FTSJ3: variants seen among roughly 807,000 people sequenced by gnomAD.
FTSJ3 encodes the protein pre-rRNA 2'-O-ribose RNA methyltransferase FTSJ3.
Under a neutral mutation model 111.5 loss-of-function variants are expected in FTSJ3, and 46 were observed. That is an observed-to-expected ratio of 0.41 (90% CI 0.33 to 0.53). The LOEUF is 0.53. Among genes scored for constraint, FTSJ3 ranks in the 20% least tolerant of loss-of-function variants. The pLI is 0.19. For synonymous variants in FTSJ3, 408 were observed against 383.0 expected (o/e 1.07, Z -0.76); for missense variants, 1,075 against 1,063.8 (o/e 1.01, Z -0.15).
chr17:63,822,733 T>A (rs2040062725), intron 13 of FTSJ3, among the ~76,000 whole-genome samples: 1 of 152,070 alleles, frequency 6.6e-6, no homozygotes, highest in Admixed American at 6.6e-5. Context: ...GAGGCTGCAG[T>A]GAGTCATGAT....
In FTSJ3 at chr17:63,820,151, G is replaced by A. The variant is rs760593139; in HGVS notation, c.2279C>T (p.Thr760Ile). Residue 760 changes from threonine to isoleucine, a missense_variant, in exon 20 of 21, where the codon ACC (threonine) becomes ATC (isoleucine). By Grantham distance (89) the Thr-to-Ile change is moderately conservative. Coordinates refer to ENST00000427159, the MANE Select transcript of FTSJ3 (RefSeq NM_017647.4). The stretch of plus-strand genomic sequence containing the variant: ...CACCACGGCTTCTGCCTTCTTCCTG[G>A]TCTGCTCCAGCCTCTTCAGCATCTG... ...KRRMLKRLEQ[T>I]RKKAEAVVNT... is the part of the protein sequence containing the mutation. 1 of 1,613,974 alleles carries A rather than the reference G, an allele frequency of 6.2e-7. No individual in the cohort carries two copies. Among genetic ancestry groups the A allele is most frequent in the Admixed American group, 1.7e-5 (1 of 60,002 alleles).
At chr17:63,824,059 C>G (rs1417759177) in intron 12 of FTSJ3, 25 bp downstream of exon 12, 1 of 1,614,052 alleles carries the variant, frequency 6.2e-7, no homozygotes, top group Non-Finnish European at 8.5e-7. Context: ...TGGGGAACTC[C>G]AAGCTCTACC....
chr17:63,824,040 TC>T (rs771067894), intron 12 of FTSJ3, 43 bp downstream of exon 12: 2 of 1,613,840 alleles, frequency 1.2e-6, no homozygotes, highest in African/African-American at 2.7e-5. Context: ...CTTCACACAG[TC>T]CCTGCGTTGG....
intron 13 of FTSJ3, among the ~76,000 whole-genome samples, chr17:63,822,651 A>G (rs1369086665): frequency 6.6e-6 from 1 of 152,188 alleles, no homozygotes; most frequent in Non-Finnish European, 1.5e-5. Context: ...TAGGCTGGGT[A>G]TGGTGGCTCA....
chr17:63,824,827 C>T lies in FTSJ3; in HGVS notation c.814G>A (p.Glu272Lys), dbSNP rs778668949. 9 of 1,610,948 alleles carry T rather than the reference C, an allele frequency of 5.6e-6. No homozygotes were observed. The highest frequency in any genetic ancestry group is 2.7e-5 in the African/African-American group (2 of 74,886). ...NPVDFLSKAS[E>K]IMVDDEELAQ... is the part of the protein sequence containing the mutation. ...GTCCCTCAAGGCTGGAGACTCACTT[C>T]GCTGGCCTTGGAGAGGAAGTCAACA... is the stretch of plus-strand genomic sequence containing the variant. The change falls in exon 9 of 21, where the codon GAA becomes AAA. Residue 272 changes from glutamate to lysine, a missense_variant and splice_region_variant. By Grantham distance (56) the Glu-to-Lys change is moderately conservative. Transcript: ENST00000427159.
intron 5 of FTSJ3, 38 bp downstream of exon 5, chr17:63,826,018 C>A: frequency 1.3e-6 from 2 of 1,515,586 alleles, no homozygotes; most frequent in East Asian, 2.3e-5. Flanking sequence ...GTAGATGTTT[C>A]CGTATAAAGG....
chr17:63,820,368 G>A lies in FTSJ3; in HGVS notation c.2143C>T (p.Arg715Ter). ...FVQEEKQHRIRQLPVGKKEVE... is the reference protein window; with the variant it reads ...FVQEEKQHRI ...TCCTTCTTACCAACAGGCAACTGTC[G>A]TATCCGGTGCTGCTTTTCCTCTTGC... Residue 715 changes from arginine to a stop codon, truncating the protein, a stop_gained, in exon 19 of 21, where the codon CGA becomes TGA. Transcript: ENST00000427159. LOFTEE classifies it high-confidence loss of function. 3 of 1,614,048 alleles carry A rather than the reference G, an allele frequency of 1.9e-6. No individual in the cohort carries two copies. Among genetic ancestry groups the A allele is most frequent in the South Asian group, 1.1e-5 (1 of 91,072 alleles).
Position 63,825,348 on chromosome 17 carries a change from G to C in FTSJ3, c.489C>G (p.Asp163Glu). The stretch of plus-strand genomic sequence containing the variant: ...GAAAGATCCATAGCAGAGGCTGATA[G>C]TCACGAGAACGGAAAACCTTTGTGA... The part of the protein sequence containing the change: ...SFITKVFRSR[D>E]YQPLLWIFQQ... Residue 163 changes from aspartate to glutamate, a missense_variant, in exon 7 of 21, where the codon GAC (aspartate) becomes GAG (glutamate). Physicochemically the swap from Asp to Glu is conservative, Grantham distance 45 (BLOSUM62 2). Coordinates refer to ENST00000427159, the MANE Select transcript of FTSJ3 (RefSeq NM_017647.4). 1 of 1,614,226 alleles carries C rather than the reference G, an allele frequency of 6.2e-7. No individual in the cohort carries two copies. The highest frequency in any genetic ancestry group is 1.1e-5 in the South Asian group (1 of 91,086).
rs748960799 is a variant in FTSJ3 at position 63,824,241 on chromosome 17, T to C, written c.999-2A>G. Reference sequence around the variant, plus strand: ...TCATCTTCCTCTCCAGAGCTGAGGCTGGCAAAACAGTCCCAAGAGTTGGGT... The same window carrying C: ...TCATCTTCCTCTCCAGAGCTGAGGCCGGCAAAACAGTCCCAAGAGTTGGGT... On this transcript the variant is annotated splice_acceptor_variant, in intron 11 of 20. Coordinates refer to ENST00000427159, the MANE Select transcript of FTSJ3 (RefSeq NM_017647.4). LOFTEE classifies it high-confidence loss of function. 6.2e-7 allele frequency: 1 copy of C among 1,614,210 alleles called. No individual in the cohort carries two copies. Among genetic ancestry groups the C allele is most frequent in the East Asian group, 2.2e-5 (1 of 44,880 alleles).
chr17:63,824,634 T>C lies in FTSJ3; in HGVS notation c.917+3A>G. The C allele has an allele frequency of 6.2e-7, 1 of 1,612,150 alleles. No individual in the cohort carries two copies. ...TGGCCCCCGTGCCTACCCCACTCCA[T>C]ACCTGAGCTCCTTGCGCCCCAACAC... On this transcript the variant is annotated splice_donor_region_variant and intron_variant, in intron 10 of 20. Coordinates refer to ENST00000427159, the MANE Select transcript of FTSJ3 (RefSeq NM_017647.4).
chr17:63,821,120 G>A lies in FTSJ3; in HGVS notation c.1887-5C>T. ...TTACCACGGAGGGGTTCCCAGCTGT[G>A]AAGAGGGGAGGACTCTGAGTGATTC... On this transcript the variant is annotated splice_polypyrimidine_tract_variant and splice_region_variant and intron_variant, in intron 16 of 20. Transcript: ENST00000427159. 1 of 1,613,822 alleles carries A rather than the reference G, an allele frequency of 6.2e-7. No homozygotes were observed. The highest frequency in any genetic ancestry group is 1.3e-5 in the African/African-American group (1 of 75,046).
chr17:63,820,184 A>G lies in FTSJ3; in HGVS notation c.2257-11T>C. 1 of 1,613,790 alleles carries G rather than the reference A, an allele frequency of 6.2e-7. No homozygotes were observed. On this transcript the variant is annotated splice_polypyrimidine_tract_variant and intron_variant, in intron 19 of 20. Transcript: ENST00000427159. ...CAGCCTCTTCAGCATCTGCAAAGGAACCTGTCAGGTGACCTCTTCCCCATC... is the reference window on the plus strand; with the variant it reads ...CAGCCTCTTCAGCATCTGCAAAGGAGCCTGTCAGGTGACCTCTTCCCCATC...
Position 63,827,212 on chromosome 17 carries a change from T to A in FTSJ3, c.-187A>T. ...ATACTCTGTCCTTGGGTTTTGTAAG[T>A]TGAAAGTTGAGACTAGGAAGGCATA... On this transcript the variant is annotated 5_prime_UTR_variant, in exon 1 of 21. Transcript: ENST00000427159. 4 of 605,070 alleles carry A rather than the reference T, an allele frequency of 6.6e-6. No homozygotes were observed. Among genetic ancestry groups the A allele is most frequent in the Non-Finnish European group, 1.2e-5 (4 of 342,048 alleles). The allele number at this position is 605,070 out of a possible 1,614,324, so 37.5% of individuals were successfully genotyped here.
chr17:63,821,108 G>A lies in FTSJ3; in HGVS notation c.1894C>T (p.Pro632Ser), dbSNP rs772221183. The A allele has an allele frequency of 6.2e-7, 1 of 1,614,096 alleles. No homozygotes were observed. Among genetic ancestry groups the A allele is most frequent in the African/African-American group, 1.3e-5 (1 of 75,048 alleles). Reference protein sequence around the residue: ...TSSEEEESWEPLRGKKRSRGP... With the variant: ...TSSEEEESWESLRGKKRSRGP... ...CGGCTTCGCTTCTTACCACGGAGGG[G>A]TTCCCAGCTGTGAAGAGGGGAGGAC... Residue 632 changes from proline to serine, a missense_variant, in exon 17 of 21, where the codon CCC (proline) becomes TCC (serine). Transcript: ENST00000427159.
rs765743961 is a variant in FTSJ3, at chr17:63,821,453, T to A, written c.1787A>T (p.Glu596Val). The A allele has an allele frequency of 1.1e-5, 18 of 1,614,194 alleles. No homozygotes were observed. The South Asian group carries it at 1.9e-4, about 17-fold the overall frequency. ...GGCAGCTTCTGTCCCCGAAGAAGCC[T>A]CTGTTCCCTTAGGGGCTTCATCTTG... ...LYQDEAPKGT[E>V]ASSGTEAATG... is the part of the protein sequence containing the mutation. The change falls in exon 16 of 21, where the codon GAG becomes GTG. Residue 596 changes from glutamate to valine, a missense_variant. Physicochemically the swap from Glu to Val is moderately radical, Grantham distance 121 (BLOSUM62 -2). Transcript: ENST00000427159.
Position 63,819,454 on chromosome 17 carries a change from C to T in FTSJ3, c.*348G>A, listed in dbSNP as rs894408. 145,350 of 217,476 alleles carry T rather than the reference C, an allele frequency of 0.67. 50,445 individuals carry two copies. The highest frequency in any genetic ancestry group is 0.9 in the African/African-American group (39,558 of 43,978). 13.5% of individuals were successfully genotyped at this position (217,476 alleles called of 1,614,324 possible). Reference sequence around the variant, plus strand: ...ACTCTTCCATTATCCTGGTTTTATTCAGGAATAGGATGGGGGTGGGGAGGG... The same window carrying T: ...ACTCTTCCATTATCCTGGTTTTATTTAGGAATAGGATGGGGGTGGGGAGGG... On this transcript the variant is annotated 3_prime_UTR_variant, in exon 21 of 21. Coordinates refer to ENST00000427159, the MANE Select transcript of FTSJ3 (RefSeq NM_017647.4).
In FTSJ3 at chr17:63,825,254, C is replaced by T. The variant is rs1212992599; in HGVS notation, c.583G>A (p.Val195Ile). Residue 195 changes from valine (V) to isoleucine (I), a missense_variant, in exon 7 of 21, where the codon GTA becomes ATA. Val to Ile is a conservative substitution (Grantham distance 29). This residue lies in a region of FTSJ3 where 208 missense variants were observed against 266.9 expected (regional missense o/e 0.78). Transcript: ENST00000427159. ...ASRHESAEIF[V>I]VCQGFLAPDK... Reference sequence around the variant, plus strand: ...AAATGATGCCCACCTTGGCAGACTACAAAGATCTCTGCAGATTCATGGCGA... The same window carrying T: ...AAATGATGCCCACCTTGGCAGACTATAAAGATCTCTGCAGATTCATGGCGA... 6.2e-7 allele frequency: 1 copy of T among 1,614,194 alleles called. No homozygotes were observed. Among genetic ancestry groups the T allele is most frequent in the African/African-American group, 1.3e-5 (1 of 75,042 alleles).
rs535576913 is a variant in FTSJ3 at position 63,820,134 on chromosome 17, C to T, written c.2296G>A (p.Ala766Thr). The change falls in exon 20 of 21, where the codon GCC becomes ACC. Residue 766 changes from alanine (A) to threonine (T), a missense_variant. Around this residue, in one of 2 missense-constraint regions of FTSJ3, gnomAD observed 867 missense variants for 796.9 expected, o/e 1.09. Coordinates refer to ENST00000427159, the MANE Select transcript of FTSJ3 (RefSeq NM_017647.4). Reference sequence around the variant, plus strand: ...GAGATGTCCACTGTGTTCACCACGGCTTCTGCCTTCTTCCTGGTCTGCTCC... The same window carrying T: ...GAGATGTCCACTGTGTTCACCACGGTTTCTGCCTTCTTCCTGGTCTGCTCC... ...RLEQTRKKAE[A>T]VVNTVDISER... 1.2e-6 allele frequency: 2 copies of T among 1,614,176 alleles called. No individual in the cohort carries two copies. The highest frequency in any genetic ancestry group is 4.5e-5 in the East Asian group (2 of 44,880).
rs920900936 is a variant in FTSJ3, at chr17:63,819,518, T to C, written c.*284A>G. ...CACGTCCAGGTGTAGACTGACTACA[T>C]TGAGTATCGCTCCAACACCGAACTT... is the stretch of plus-strand genomic sequence containing the variant. On this transcript the variant is annotated 3_prime_UTR_variant, in exon 21 of 21. Transcript: ENST00000427159. 5.3e-6 allele frequency: 2 copies of C among 377,668 alleles called. No homozygotes were observed. The highest frequency in any genetic ancestry group is 4.5e-5 in the East Asian group (1 of 22,282). The allele number at this position is 377,668 out of a possible 1,614,324, so 23.4% of individuals were successfully genotyped here.
Sources: allele counts gnomAD v4.1 joint callset (sites outside exome capture counted in the v4.1 genomes callset), GRCh38; gene constraint gnomAD v4.1.1; regional missense constraint gnomAD v4.1.1; transcripts MANE v1.5; gene names NCBI Gene and HGNC (gene_info 2026-07-23, HGNC 2026-07-21).